The following THEMIS2 variants were observed in gnomAD, a reference collection of about 807,000 sequenced individuals.
THEMIS2 encodes the protein thymocyte selection associated family member 2.
In THEMIS2, 29 loss-of-function variants were observed where a neutral mutation model predicts 46.8. The ratio of observed to expected loss-of-function variants is 0.62; its 90% CI spans 0.46 to 0.84. The LOEUF (loss-of-function observed/expected upper bound fraction) is 0.84. Among genes scored for constraint, THEMIS2 ranks in the 40% least tolerant of loss-of-function variants. THEMIS2 has a pLI of 0.00. For synonymous variants in THEMIS2, 335 were observed against 349.1 expected (o/e 0.96, Z 0.45); for missense variants, 698 against 834.7 (o/e 0.84, Z 2.02).
At position 27,879,820 on chromosome 1, in the gene THEMIS2, C is replaced by A; in HGVS notation, c.412C>A (p.His138Asn). ...CCTCATGCTTGAGGCTGTGGTGATG[C>A]ACCTCGGGATCCGCTCTGCCCGCTG... ...QLLMLEAVVMHLGIRSARCVL... is the reference protein window; with the variant it reads ...QLLMLEAVVMNLGIRSARCVL... The change falls in exon 3 of 6, where the codon CAC (histidine) becomes AAC (asparagine). Residue 138 changes from histidine (H) to asparagine (N), a missense_variant. Transcript: ENST00000373921. 1.2e-6 allele frequency: 2 copies of A among 1,613,830 alleles called. No homozygotes were observed. Among genetic ancestry groups the A allele is most frequent in the Non-Finnish European group, 1.7e-6 (2 of 1,179,744 alleles).
At position 27,882,221 on chromosome 1, in the gene THEMIS2, G is replaced by C. The variant is rs760964279; in HGVS notation, c.897G>C (p.Trp299Cys). The C allele has an allele frequency of 6.2e-7, 1 of 1,609,544 alleles. No individual in the cohort carries two copies. Among genetic ancestry groups the C allele is most frequent in the Non-Finnish European group, 8.5e-7 (1 of 1,177,004 alleles). The change falls in exon 4 of 6, where the codon TGG becomes TGC. Residue 299 changes from tryptophan (W) to cysteine (C), a missense_variant. Transcript: ENST00000373921. The surrounding 1 kb of genome is among the most constrained non-coding windows in gnomAD (Gnocchi z 7.6). Reference protein sequence around the residue: ...LCVYGLASPPWRVLASSKGRK... With the variant: ...LCVYGLASPPCRVLASSKGRK... ...TCTATGGCCTAGCCTCACCACCCTG[G>C]CGGGTCCTGGCCTCAAGCAAGGGCC...
At chr1:27,881,305 G>A in intron 3 of THEMIS2, among the ~76,000 whole-genome samples, 1 of 150,576 alleles carries the variant, frequency 6.6e-6, no homozygotes, top group South Asian at 2.1e-4. Context: ...AAAAAAATTA[G>A]CCGGGTGTGG....
At position 27,882,710 on chromosome 1, in the gene THEMIS2, C is replaced by T. The variant is rs1421449211; in HGVS notation, c.1386C>T (p.Thr462=). The T allele has an allele frequency of 3.1e-6, 5 of 1,613,956 alleles. No homozygotes were observed. Among genetic ancestry groups the T allele is most frequent in the Admixed American group, 3.3e-5 (2 of 59,994 alleles). The change falls in exon 4 of 6, where the codon ACC becomes ACT. Residue 462 remains threonine (T), a synonymous_variant. Coordinates refer to ENST00000373921, the MANE Select transcript of THEMIS2 (RefSeq NM_001105556.3). The surrounding 1 kb of genome is among the most constrained non-coding windows in gnomAD (Gnocchi z 7.6). ...PCEVKVVAKD[T]SHPTDPLTSF... is the part of the protein sequence containing the mutation. ...AGGTCAAGGTGGTGGCCAAGGACAC[C>T]AGCCACCCCACTGACCCTCTGACCT...
chr1:27,876,507 A>C, intron 1 of THEMIS2, 81 bp from the exon 2 acceptor site: 5 of 1,540,924 alleles, frequency 3.2e-6, no homozygotes, highest in Non-Finnish European at 4.4e-6. Flanking sequence ...ATGGCAGAGC[A>C]GAGCTTGTTG....
In THEMIS2 at chr1:27,876,251, T is replaced by G. The variant is rs1356235907; in HGVS notation, c.95-337T>G. On this transcript the variant is annotated intron_variant, in intron 1 of 5. Coordinates refer to ENST00000373921, the MANE Select transcript of THEMIS2 (RefSeq NM_001105556.3). ...GGATTCACTGGGTTATTTACTGATT[T>G]GTGGACTTACCACATACTCAGAGGC... is the stretch of plus-strand genomic sequence containing the variant. 3.3e-5 allele frequency among the ~76,000 whole-genome samples: 5 copies of G among 151,794 alleles called. 1 individual carries two copies. Among genetic ancestry groups the G allele is most frequent in the Admixed American group, 2.0e-4 (3 of 15,248 alleles).
chr1:27,881,885 C>T, intron 3 of THEMIS2, 86 bp from the exon 4 acceptor site: 1 of 1,108,538 alleles, frequency 9.0e-7, no homozygotes, highest in Non-Finnish European at 1.3e-6. Flanking sequence ...GGAGGGAGGC[C>T]AGCCGGCCCA....
chr1:27,883,057 C>T lies in THEMIS2; in HGVS notation c.1719+14C>T, dbSNP rs748168671. The T allele has an allele frequency of 1.2e-6, 2 of 1,600,626 alleles. No individual in the cohort carries two copies. The highest frequency in any genetic ancestry group is 3.4e-5 in the Admixed American group (2 of 59,154). ...GGAGGCGTCAAGGTACTAGTATAAT[C>T]CCAGAGGGCACGGAGGGGTCACCTA... On this transcript the variant is annotated intron_variant, in intron 4 of 5. Coordinates refer to ENST00000373921, the MANE Select transcript of THEMIS2 (RefSeq NM_001105556.3).
At chr1:27,881,178 C>T (rs1252824322) in intron 3 of THEMIS2, among the ~76,000 whole-genome samples, 6 of 151,916 alleles carry the variant, frequency 3.9e-5, no homozygotes, top group African/African-American at 1.4e-4. Context: ...GGGCCAAGCA[C>T]AGTGGCTCAC....
chr1:27,879,837 T>C lies in THEMIS2; in HGVS notation c.429T>C (p.Ser143=), dbSNP rs78644103. 6.5e-3 allele frequency: 10,508 copies of C among 1,613,480 alleles called. 528 individuals carry two copies. In the African/African-American group the frequency reaches 0.12, roughly 18 times the overall value. The change falls in exon 3 of 6, where the codon TCT becomes TCC. Residue 143 remains serine (S), a synonymous_variant. Transcript: ENST00000373921. ...EAVVMHLGIR[S]ARCVLGMEGQ... The stretch of plus-strand genomic sequence containing the variant: ...TGGTGATGCACCTCGGGATCCGCTC[T>C]GCCCGCTGTGTCCTGGGCATGGAGG...
chr1:27,874,879 G>A (rs1396681435), intron 1 of THEMIS2, among the ~76,000 whole-genome samples: 7 of 151,584 alleles, frequency 4.6e-5, no homozygotes, highest in African/African-American at 1.5e-4. Context: ...GATTACAAGC[G>A]TGAGCCACCG....
Position 27,872,581 on chromosome 1 carries a change from G to A in THEMIS2, c.10G>A (p.Val4Met). The part of the protein sequence containing the change: MEP[V>M]PLQDFVRALD... ...GAGAGCCGCGGGGACCATGGAGCCG[G>A]TGCCGCTGCAGGACTTCGTGCGCGC... The change falls in exon 1 of 6, where the codon GTG (valine) becomes ATG (methionine). Residue 4 changes from valine (V) to methionine (M), a missense_variant. Val to Met is a conservative substitution (Grantham distance 21). Transcript: ENST00000373921. This position sits in a 1 kb window ranked among gnomAD's most constrained non-coding sequence, Gnocchi z 4.9. 1 of 1,489,214 alleles carries A rather than the reference G, an allele frequency of 6.7e-7. No homozygotes were observed. Among genetic ancestry groups the A allele is most frequent in the South Asian group, 1.2e-5 (1 of 80,262 alleles). 92.3% of individuals were successfully genotyped at this position (1,489,214 alleles called of 1,614,324 possible).
intron 2 of THEMIS2, among the ~76,000 whole-genome samples, chr1:27,877,102 C>G (rs370941155): frequency 1.8e-4 from 27 of 152,284 alleles, no homozygotes; most frequent in African/African-American, 6.0e-4. Flanking sequence ...AGGTGCCACC[C>G]TCTCCAGTGG....
chr1:27,884,508 C>T (rs1378375043), intron 4 of THEMIS2: 2 of 152,258 alleles, frequency 1.3e-5, no homozygotes, highest in African/African-American at 4.8e-5. Context: ...TGGACTGAAA[C>T]ATCCGAAACA....
In THEMIS2 at chr1:27,882,715, A is replaced by AC; in HGVS notation, c.1395dup (p.Thr466HisfsTer2). 6.2e-7 allele frequency: 1 copy of AC among 1,613,606 alleles called. No individual in the cohort carries two copies. The highest frequency in any genetic ancestry group is 8.5e-7 in the Non-Finnish European group (1 of 1,179,948). On this transcript the variant is annotated frameshift_variant, in exon 4 of 6. Coordinates refer to ENST00000373921, the MANE Select transcript of THEMIS2 (RefSeq NM_001105556.3). LOFTEE classifies it high-confidence loss of function. The surrounding 1 kb of genome is among the most constrained non-coding windows in gnomAD (Gnocchi z 7.6). ...AAGGTGGTGGCCAAGGACACCAGCCACCCCACTGACCCTCTGACCTCCTTC... is the reference window on the plus strand; with the variant it reads ...AAGGTGGTGGCCAAGGACACCAGCCACCCCCACTGACCCTCTGACCTCCTTC...
At chr1:27,885,005 A>G (rs2089744496) in intron 4 of THEMIS2, 1 of 265,296 alleles carries the variant, frequency 3.8e-6, no homozygotes. Context: ...TTTCCCCTTC[A>G]GCAAGAGAAT....
In THEMIS2 at chr1:27,882,569, G is replaced by C; in HGVS notation, c.1245G>C (p.Glu415Asp). The change falls in exon 4 of 6, where the codon GAG becomes GAC. Residue 415 changes from glutamate (E) to aspartate (D), a missense_variant. Physicochemically the swap from Glu to Asp is conservative, Grantham distance 45 (BLOSUM62 2). Transcript: ENST00000373921. The surrounding 1 kb of genome is among the most constrained non-coding windows in gnomAD (Gnocchi z 7.6). ...AGGAAGAGTGCAAAGAGGAGGCAGAGAGCCCAGAGCGGGTCCTGCTGCCCT... is the reference window on the plus strand; with the variant it reads ...AGGAAGAGTGCAAAGAGGAGGCAGACAGCCCAGAGCGGGTCCTGCTGCCCT... The part of the protein sequence containing the change: ...DEEEECKEEA[E>D]SPERVLLPFH... The C allele has an allele frequency of 6.2e-7, 1 of 1,614,142 alleles. No individual in the cohort carries two copies. Among genetic ancestry groups the C allele is most frequent in the Non-Finnish European group, 8.5e-7 (1 of 1,180,018 alleles).
At position 27,883,877 on chromosome 1, in the gene THEMIS2, C is replaced by T. The variant is rs116823582; in HGVS notation, c.1719+834C>T. 1.1e-4 allele frequency: 17 copies of T among 152,332 alleles called. 1 individual carries two copies. Among genetic ancestry groups the T allele is most frequent in the Middle Eastern group, 3.4e-3 (1 of 294 alleles). The allele number at this position is 152,332 out of a possible 1,614,324, so 9.4% of individuals were successfully genotyped here. On this transcript the variant is annotated intron_variant, in intron 4 of 5. Coordinates refer to ENST00000373921, the MANE Select transcript of THEMIS2 (RefSeq NM_001105556.3). Reference sequence around the variant, plus strand: ...GAAAAGAGTTCTGTCGGGGCAGGGACCTTACCTGCTCCAAGGCCAGAGAGG... The same window carrying T: ...GAAAAGAGTTCTGTCGGGGCAGGGATCTTACCTGCTCCAAGGCCAGAGAGG...
rs753781345 is a variant in THEMIS2 at position 27,879,640 on chromosome 1, A to G, written c.236-4A>G. The G allele has an allele frequency of 1.3e-6, 2 of 1,577,386 alleles. No homozygotes were observed. Among genetic ancestry groups the G allele is most frequent in the Non-Finnish European group, 1.7e-6 (2 of 1,156,616 alleles). On this transcript the variant is annotated splice_polypyrimidine_tract_variant and splice_region_variant and intron_variant, in intron 2 of 5. Transcript: ENST00000373921. ...ACCTGCCTGCTCTCTGCTGTCCCCC[A>G]CAGGCTACTTCACCCCCCTCAACAC...
In THEMIS2 at chr1:27,885,454, G is replaced by A. The variant is rs1340053109; in HGVS notation, c.1876+3G>A. On this transcript the variant is annotated splice_donor_region_variant and intron_variant, in intron 5 of 5. Coordinates refer to ENST00000373921, the MANE Select transcript of THEMIS2 (RefSeq NM_001105556.3). ...TAAGCCCCAAAGGCAGGATCTAGGT[G>A]AGTCCCTGTGGGCGCTGCTCACCCT... The A allele has an allele frequency of 6.2e-7, 1 of 1,612,876 alleles. No homozygotes were observed. Among genetic ancestry groups the A allele is most frequent in the East Asian group, 2.2e-5 (1 of 44,890 alleles).
Sources: allele counts gnomAD v4.1 joint callset (sites outside exome capture counted in the v4.1 genomes callset), GRCh38; gene constraint gnomAD v4.1.1; non-coding constraint Gnocchi (gnomAD v3.1); transcripts MANE v1.5; gene names NCBI Gene and HGNC (gene_info 2026-07-23, HGNC 2026-07-21).